The following DAGLA variants were observed in gnomAD, a reference collection of about 807,000 sequenced individuals.
DAGLA encodes diacylglycerol lipase alpha, also known as diacylglycerol lipase-alpha.
DAGLA carries 22 observed loss-of-function variants against 102.6 expected under a neutral mutation model. The observed-to-expected ratio is 0.21, with a 90% CI of 0.15 to 0.31. The LOEUF is 0.31. DAGLA is among the 10% of genes least tolerant of loss of function. The pLI is 1.00. For missense variants in DAGLA, 927 were observed against 1,446.6 expected (o/e 0.64, Z 5.83); for synonymous variants, 578 against 628.9 (o/e 0.92, Z 1.21).
chr11:61,739,035 A>G (rs1295377024), intron 16 of DAGLA, among the ~76,000 whole-genome samples: 1 of 152,164 alleles, frequency 6.6e-6, no homozygotes, highest in African/African-American at 2.4e-5. Context: ...AACTGCTCCC[A>G]CCAGATTAGT....
intron 3 of DAGLA, among the ~76,000 whole-genome samples, chr11:61,722,596 G>A (rs900372171): frequency 1.1e-4 from 17 of 152,158 alleles, no homozygotes; most frequent in Admixed American, 1.3e-4. Flanking sequence ...GGGATGCCCC[G>A]GGGACTTGAG....
intron 12 of DAGLA, 107 bp downstream of exon 12, chr11:61,735,923 A>G: frequency 9.1e-7 from 1 of 1,097,252 alleles, no homozygotes; most frequent in Non-Finnish European, 1.3e-6. Context: ...GGCTCACTGG[A>G]AGAGATTGGT....
At chr11:61,711,027 A>G (rs887439836) in intron 1 of DAGLA, among the ~76,000 whole-genome samples, 2 of 152,210 alleles carry the variant, frequency 1.3e-5, no homozygotes, top group Non-Finnish European at 2.9e-5. Flanking sequence ...GGCCTCGGTC[A>G]GCTCATTGGA....
intron 1 of DAGLA, among the ~76,000 whole-genome samples, chr11:61,714,659 T>A (rs1345679168): frequency 6.6e-6 from 1 of 152,198 alleles, no homozygotes; most frequent in Non-Finnish European, 1.5e-5. Context: ...GGGTTGTGTG[T>A]CCAGCACCTG....
At position 61,684,384 on chromosome 11, in the gene DAGLA, TG is replaced by T. The variant is rs1248890657; in HGVS notation, c.-45+3882del. Among the ~76,000 whole-genome samples, 1 of 151,972 alleles carries T rather than the reference TG, an allele frequency of 6.6e-6. No individual in the cohort carries two copies. The highest frequency in any genetic ancestry group is 2.4e-5 in the African/African-American group (1 of 41,336). On this transcript the variant is annotated intron_variant, in intron 1 of 19. Transcript: ENST00000257215. The surrounding 1 kb of genome is among the most constrained non-coding windows in gnomAD (Gnocchi z 4.5). ...CCTCCCCAGCGGATAGGGCTGAAAA[TG>T]GTTTATTTTGATTTTCTTTTTTTGT...
intron 8 of DAGLA, among the ~76,000 whole-genome samples, chr11:61,730,296 C>T (rs1221745452): frequency 6.6e-6 from 1 of 151,996 alleles, no homozygotes; most frequent in African/African-American, 2.4e-5. Flanking sequence ...TGACTCCCAT[C>T]AAGTGACTCC....
intron 3 of DAGLA, among the ~76,000 whole-genome samples, chr11:61,721,746 T>C (rs888092032): frequency 6.6e-6 from 1 of 152,268 alleles, no homozygotes; most frequent in Non-Finnish European, 1.5e-5. Context: ...ACTGCTCTTG[T>C]GCTTCTGTGC....
chr11:61,693,569 G>A (rs1022389674), intron 1 of DAGLA, among the ~76,000 whole-genome samples: 4 of 152,076 alleles, frequency 2.6e-5, no homozygotes, highest in African/African-American at 9.7e-5. Flanking sequence ...GGCTGGTCTC[G>A]ATCTCCTGAT....
chr11:61,729,128 C>A, intron 8 of DAGLA, 120 bp downstream of exon 8: 1 of 820,344 alleles, frequency 1.2e-6, no homozygotes, highest in South Asian at 1.5e-5. Flanking sequence ...CCTGCCCGGT[C>A]TCCCCCCGGC....
intron 13 of DAGLA, 86 bp from the exon 14 acceptor site, chr11:61,737,096 G>A (rs2065429318): frequency 1.9e-6 from 3 of 1,571,170 alleles, no homozygotes; most frequent in Non-Finnish European, 2.6e-6. Flanking sequence ...GGGAAGATGG[G>A]AAGACCCTCT....
chr11:61,743,144 C>T (rs905058585), intron 19 of DAGLA, among the ~76,000 whole-genome samples: 2 of 152,108 alleles, frequency 1.3e-5, no homozygotes, highest in African/African-American at 4.8e-5. Flanking sequence ...GCAGGCGGAT[C>T]ACCAGGTCAG....
At chr11:61,695,725 T>G (rs2065059614) in intron 1 of DAGLA, among the ~76,000 whole-genome samples, 1 of 152,234 alleles carries the variant, frequency 6.6e-6, no homozygotes, top group African/African-American at 2.4e-5. Flanking sequence ...GGTACTGACT[T>G]CTGGCTTAAG....
At chr11:61,689,828 T>G (rs1285556701) in intron 1 of DAGLA, among the ~76,000 whole-genome samples, 1 of 152,172 alleles carries the variant, frequency 6.6e-6, no homozygotes, top group Non-Finnish European at 1.5e-5. Flanking sequence ...TTCTATCCAC[T>G]GCCTTTTCTT....
intron 1 of DAGLA, among the ~76,000 whole-genome samples, chr11:61,714,557 C>T (rs2065220847): frequency 6.6e-6 from 1 of 152,242 alleles, no homozygotes; most frequent in Non-Finnish European, 1.5e-5. Flanking sequence ...GCCCAGGCTC[C>T]CTGTGGTGAC....
At chr11:61,683,298 C>T (rs1282648783) in intron 1 of DAGLA, among the ~76,000 whole-genome samples, 3 of 152,160 alleles carry the variant, frequency 2.0e-5, no homozygotes, top group Non-Finnish European at 4.4e-5. Context: ...GCTATGGACT[C>T]GCCCTGTCCC....
chr11:61,739,482 G>A lies in DAGLA; in HGVS notation c.1674G>A (p.Gly558=), dbSNP rs775294730. Residue 558 remains glycine, a synonymous_variant, in exon 17 of 20, where the codon GGG becomes GGA. Coordinates refer to ENST00000257215, the MANE Select transcript of DAGLA (RefSeq NM_006133.3). ...STKPKWRIIV[G]ATKCIPKSEL... ...CCGCGCAGTGGCGGATCATCGTGGGGGCCACCAAATGCATCCCCAAGTCGG... is the reference window on the plus strand; with the variant it reads ...CCGCGCAGTGGCGGATCATCGTGGGAGCCACCAAATGCATCCCCAAGTCGG... The A allele has an allele frequency of 9.2e-5, 149 of 1,613,648 alleles. No individual in the cohort carries two copies. Among genetic ancestry groups the A allele is most frequent in the Non-Finnish European group, 1.2e-4 (146 of 1,180,006 alleles).
intron 1 of DAGLA, among the ~76,000 whole-genome samples, chr11:61,710,744 C>T (rs1408011138): frequency 6.6e-6 from 1 of 152,176 alleles, no homozygotes; most frequent in Non-Finnish European, 1.5e-5. Context: ...GTTATTGCCC[C>T]TGCCATGCAA....
intron 3 of DAGLA, 109 bp from the exon 4 acceptor site, chr11:61,722,750 A>G: frequency 2.2e-6 from 2 of 905,340 alleles, no homozygotes; most frequent in East Asian, 2.4e-5. Context: ...TGCCTTTGCT[A>G]CTGAGCTGGC....
chr11:61,736,900 C>T (rs2065427393), intron 13 of DAGLA, among the ~76,000 whole-genome samples: 1 of 152,210 alleles, frequency 6.6e-6, no homozygotes, highest in African/African-American at 2.4e-5. Flanking sequence ...GATGCAATGA[C>T]TAGAGGGAGT....
Sources: allele counts gnomAD v4.1 joint callset (sites outside exome capture counted in the v4.1 genomes callset), GRCh38; gene constraint gnomAD v4.1.1; non-coding constraint Gnocchi (gnomAD v3.1); transcripts MANE v1.5; gene names NCBI Gene and HGNC (gene_info 2026-07-23, HGNC 2026-07-21).